The following MARCHF1 variants were observed in gnomAD, a reference collection of about 807,000 sequenced individuals.
The protein encoded by MARCHF1 is E3 ubiquitin-protein ligase MARCHF1.
Under a neutral mutation model 54.2 loss-of-function variants are expected in MARCHF1, and 40 were observed. The ratio of observed to expected loss-of-function variants is 0.74; its 90% confidence interval spans 0.57 to 0.96. The LOEUF (loss-of-function observed/expected upper bound fraction) is 0.96, where lower values mean the gene tolerates loss of function less well. Ranked by LOEUF, MARCHF1 falls within the 40% of genes least tolerant of loss-of-function variation. MARCHF1 has a pLI of 0.00. For missense variants in MARCHF1, 586 were observed against 656.5 expected (o/e 0.89, Z 1.17); for synonymous variants, 236 against 236.3 (o/e 1.00, Z 0.01).
intron 1 of MARCHF1, among the ~76,000 whole-genome samples, chr4:164,153,495 T>C (rs549488768): frequency 6.6e-6 from 1 of 152,132 alleles, no homozygotes; most frequent in Non-Finnish European, 1.5e-5. Context: ...CAATAGCACC[T>C]GTATAAGAAT....
intron 2 of MARCHF1, among the ~76,000 whole-genome samples, chr4:164,091,882 G>C (rs956201235): frequency 1.3e-5 from 2 of 151,558 alleles, no homozygotes; most frequent in Non-Finnish European, 2.9e-5. Flanking sequence ...GTGTGTGTGT[G>C]TGTGTGTGTG....
intron 1 of MARCHF1, chr4:164,188,689 C>G (rs1447939892): frequency 9.2e-7 from 1 of 1,090,500 alleles, no homozygotes; most frequent in Non-Finnish European, 1.4e-6. Flanking sequence ...GCACGTGGAA[C>G]GACCTGTCTA....
chr4:163,928,608 G>A (rs2111384538), intron 3 of MARCHF1, among the ~76,000 whole-genome samples: 1 of 151,962 alleles, frequency 6.6e-6, no homozygotes, highest in East Asian at 1.9e-4. Flanking sequence ...TTTTTTGATT[G>A]AAAAGTCTGG....
intron 1 of MARCHF1, among the ~76,000 whole-genome samples, chr4:164,354,432 A>G (rs1730451981): frequency 7.4e-6 from 1 of 134,928 alleles, no homozygotes; most frequent in Non-Finnish European, 1.6e-5. Flanking sequence ...AGTGGGCTTC[A>G]TCCCTGGGAT....
intron 4 of MARCHF1, among the ~76,000 whole-genome samples, chr4:163,722,052 T>G (rs915156707): frequency 6.6e-6 from 1 of 152,144 alleles, no homozygotes; most frequent in African/African-American, 2.4e-5. Flanking sequence ...TAATCTTAGT[T>G]ATTTCTTGCC....
intron 1 of MARCHF1, among the ~76,000 whole-genome samples, chr4:164,178,896 T>C (rs1245436524): frequency 6.6e-6 from 1 of 152,146 alleles, no homozygotes; most frequent in Non-Finnish European, 1.5e-5. Flanking sequence ...CTTTCTCCTA[T>C]GAGTTGACAA....
chr4:163,700,129 T>A (rs1319591149), intron 5 of MARCHF1, among the ~76,000 whole-genome samples: 2 of 152,160 alleles, frequency 1.3e-5, no homozygotes, highest in Non-Finnish European at 2.9e-5. Context: ...ATACCATGAA[T>A]GTTGATATAG....
chr4:163,757,127 G>T (rs1353807642), intron 4 of MARCHF1, among the ~76,000 whole-genome samples: 17 of 152,168 alleles, frequency 1.1e-4, no homozygotes, highest in Admixed American at 1.1e-3. Flanking sequence ...AGTAACGTTT[G>T]CAAAGTTTAG....
At chr4:163,832,478 TG>T (rs1393936725) in intron 4 of MARCHF1, among the ~76,000 whole-genome samples, 1 of 152,166 alleles carries the variant, frequency 6.6e-6, no homozygotes, top group African/African-American at 2.4e-5. Flanking sequence ...TGCTTTTGAT[TG>T]TTATTATAAC....
At chr4:164,015,990 C>A (rs1358019888) in intron 2 of MARCHF1, among the ~76,000 whole-genome samples, 1 of 151,650 alleles carries the variant, frequency 6.6e-6, no homozygotes, top group South Asian at 2.1e-4. Flanking sequence ...ATCAATATAT[C>A]GAAAATATAT....
intron 4 of MARCHF1, among the ~76,000 whole-genome samples, chr4:163,747,093 CAACGTT>C (rs1309666006): frequency 6.6e-6 from 1 of 152,126 alleles, no homozygotes; most frequent in Non-Finnish European, 1.5e-5. Context: ...GTATAATCTG[CAACGTT>C]AAGGGGCTGC....
chr4:164,121,355 A>G (rs1756061915), intron 1 of MARCHF1, among the ~76,000 whole-genome samples: 1 of 152,138 alleles, frequency 6.6e-6, no homozygotes, highest in Admixed American at 6.6e-5. Flanking sequence ...TTATAAAGGA[A>G]AGAGGTTTAA....
chr4:163,964,503 C>T (rs1472905573), intron 3 of MARCHF1, among the ~76,000 whole-genome samples: 2 of 151,940 alleles, frequency 1.3e-5, no homozygotes, highest in Non-Finnish European at 2.9e-5. Context: ...CAAGAATTTA[C>T]ATTTCTAACA....
chr4:164,035,422 T>C (rs1016655751), intron 2 of MARCHF1, among the ~76,000 whole-genome samples: 1 of 151,620 alleles, frequency 6.6e-6, no homozygotes, highest in Non-Finnish European at 1.5e-5. Flanking sequence ...ACCCAAACCC[T>C]AATTATGAAA....
intron 1 of MARCHF1, among the ~76,000 whole-genome samples, chr4:164,175,616 A>G (rs541978921): frequency 6.6e-6 from 1 of 152,184 alleles, no homozygotes; most frequent in Non-Finnish European, 1.5e-5. Context: ...AAAGCAGATT[A>G]CCCTCTGTAA....
rs545124127 is a variant in MARCHF1, at chr4:163,611,593, T to C, written c.1010+678A>G. ...TAGCTTGGATATTCCTATAATTCTTTTTATGTAAGGTTATTTTGAAAATAT... is the reference window on the plus strand; with the variant it reads ...TAGCTTGGATATTCCTATAATTCTTCTTATGTAAGGTTATTTTGAAAATAT... On this transcript the variant is annotated intron_variant, in intron 7 of 9. Coordinates refer to ENST00000514618, the MANE Select transcript of MARCHF1 (RefSeq NM_001394959.1). Among the ~76,000 whole-genome samples, 11 of 152,246 alleles carry C rather than the reference T, an allele frequency of 7.2e-5. No homozygotes were observed. In the East Asian group the frequency reaches 2.1e-3, roughly 29 times the overall value.
intron 1 of MARCHF1, among the ~76,000 whole-genome samples, chr4:164,211,276 ATG>A (rs1431025576): frequency 1.6e-4 from 13 of 82,182 alleles, no homozygotes; most frequent in Non-Finnish European, 2.7e-4. Context: ...TTTAATCTTT[ATG>A]TATATATATA....
At chr4:163,873,238 C>G (rs1024966176) in intron 3 of MARCHF1, among the ~76,000 whole-genome samples, 1 of 152,194 alleles carries the variant, frequency 6.6e-6, no homozygotes, top group East Asian at 1.9e-4. Context: ...TCTGCTCTAG[C>G]TAGTTTACAC....
intron 4 of MARCHF1, among the ~76,000 whole-genome samples, chr4:163,803,261 C>T (rs1748132449): frequency 6.6e-6 from 1 of 152,180 alleles, no homozygotes; most frequent in Non-Finnish European, 1.5e-5. Context: ...GCAACCTCTG[C>T]CTCCCGGGTT....
Sources: gnomAD v4.1 joint callset for allele counts (sites outside exome capture counted in the v4.1 genomes callset) on GRCh38, gnomAD v4.1.1 for gene constraint, MANE v1.5 for transcripts, NCBI Gene and HGNC (gene_info 2026-07-23, HGNC 2026-07-21) for gene names.